Variants in RBPMS observed in about 807,000 individuals in gnomAD.
The protein encoded by RBPMS is RNA-binding protein with multiple splicing.
A neutral mutation model predicts 26.8 loss-of-function variants in RBPMS; 7 were observed. The observed-to-expected ratio is 0.26, with a 90% confidence interval of 0.15 to 0.49. RBPMS has a LOEUF of 0.49. Among genes scored for constraint, RBPMS ranks in the 20% least tolerant of loss-of-function variants. The pLI, the probability that RBPMS is intolerant of heterozygous loss-of-function variation, is 0.98. For missense variants in RBPMS, 186 were observed against 250.0 expected (o/e 0.74, Z 1.73); for synonymous variants, 96 against 93.3 (o/e 1.03, Z -0.17).
At chr8:30,481,285 G>T (rs1203455986) in intron 4 of RBPMS, among the ~76,000 whole-genome samples, 1 of 151,882 alleles carries the variant, frequency 6.6e-6, no homozygotes, top group Non-Finnish European at 1.5e-5. Flanking sequence ...TTGCTTGTTT[G>T]TTTTTGTTTT....
rs1809853500 is a variant in RBPMS, at chr8:30,414,694, A to C, written c.66+29536A>C. On this transcript the variant is annotated intron_variant, in intron 1 of 8. Transcript: ENST00000397323. The stretch of plus-strand genomic sequence containing the variant: ...CATAACAGATTTTTGTAATTTTCTT[A>C]AACAGATTTTTTTTTCTGATTAATA... Among the ~76,000 whole-genome samples, 5 of 152,150 alleles carry C rather than the reference A, an allele frequency of 3.3e-5. No homozygotes were observed. In the South Asian group the frequency reaches 1.0e-3, roughly 32 times the overall value.
chr8:30,521,874 T>C (rs1270194363), intron 5 of RBPMS, among the ~76,000 whole-genome samples: 1 of 152,120 alleles, frequency 6.6e-6, no homozygotes, highest in East Asian at 1.9e-4. Context: ...TCTTACCACA[T>C]CCTCCAAAAT....
intron 6 of RBPMS, chr8:30,553,068 C>T (rs1035634121): frequency 6.6e-6 from 1 of 152,250 alleles, no homozygotes; most frequent in Non-Finnish European, 1.5e-5. Context: ...AGGACCAAGT[C>T]ATACAAATCT....
rs755322254 is a variant in RBPMS at position 30,479,377 on chromosome 8, T to G, written c.246T>G (p.Asn82Lys). The G allele has an allele frequency of 6.3e-7, 1 of 1,598,512 alleles. No homozygotes were observed. Reference sequence around the variant, plus strand: ...CAGAGGCTGCAAAGAATGCTTTGAATGTAAGTACTAATGATGTAATTGTAG... The same window carrying G: ...CAGAGGCTGCAAAGAATGCTTTGAAGGTAAGTACTAATGATGTAATTGTAG... ...SEAEAAKNAL[N>K]GIRFDPEIPQ... Residue 82 changes from asparagine to lysine, a missense_variant and splice_region_variant, in exon 4 of 9, where the codon AAT becomes AAG. Coordinates refer to ENST00000397323, the MANE Select transcript of RBPMS (RefSeq NM_001008710.3).
At chr8:30,487,161 C>T (rs1436931796) in intron 4 of RBPMS, among the ~76,000 whole-genome samples, 1 of 152,194 alleles carries the variant, frequency 6.6e-6, no homozygotes, top group Non-Finnish European at 1.5e-5. Context: ...AATGTCTTGA[C>T]TGTCTTGACT....
chr8:30,559,864 G>C (rs776556627), intron 7 of RBPMS, among the ~76,000 whole-genome samples: 1 of 152,196 alleles, frequency 6.6e-6, no homozygotes, highest in Non-Finnish European at 1.5e-5. Flanking sequence ...TTTCCTTGGA[G>C]ACTTCTATTG....
At chr8:30,473,405 C>T (rs957132277) in intron 1 of RBPMS, among the ~76,000 whole-genome samples, 7 of 152,194 alleles carry the variant, frequency 4.6e-5, no homozygotes, top group African/African-American at 1.7e-4. Context: ...GTGTACCCTA[C>T]ACTTTGCACT....
Position 30,384,738 on chromosome 8 carries a change from A to ATCCTTTGCTTCCTTCCTTCCT in RBPMS, c.-349_-329dup, listed in dbSNP as rs1249410290. 17 of 175,188 alleles carry ATCCTTTGCTTCCTTCCTTCCT rather than the reference A, an allele frequency of 9.7e-5. No homozygotes were observed. The highest frequency in any genetic ancestry group is 2.8e-4 in the Admixed American group (4 of 14,450). The allele number at this position is 175,188 out of a possible 1,614,324, so 10.9% of individuals were successfully genotyped here. The stretch of plus-strand genomic sequence containing the variant: ...CTCCTGGGACGCGCGTCCTCGCCCC[A>ATCCTTTGCTTCCTTCCTTCCT]TCCTTTGCTTCCTTCCTTCCTTCCT... On this transcript the variant is annotated 5_prime_UTR_variant, in exon 1 of 9. Coordinates refer to ENST00000397323, the MANE Select transcript of RBPMS (RefSeq NM_001008710.3). This position sits in a 1 kb window ranked among gnomAD's most constrained non-coding sequence, Gnocchi z 5.6.
rs188803633 is a variant in RBPMS at position 30,483,425 on chromosome 8, T to G, written c.246+4048T>G. On this transcript the variant is annotated intron_variant, in intron 4 of 8. Coordinates refer to ENST00000397323, the MANE Select transcript of RBPMS (RefSeq NM_001008710.3). ...AATTGCTTAGGCTAGTGTAGTAATT[T>G]GCTTTACTCTCAAACTATACTCATT... Among the ~76,000 whole-genome samples, 999 of 152,260 alleles carry G rather than the reference T, an allele frequency of 6.6e-3. 8 individuals carry two copies. The highest frequency in any genetic ancestry group is 0.022 in the African/African-American group (924 of 41,558).
chr8:30,563,446 CAA>C (rs1391047399), intron 7 of RBPMS, among the ~76,000 whole-genome samples: 1 of 152,272 alleles, frequency 6.6e-6, no homozygotes, highest in East Asian at 1.9e-4. Context: ...GATGGATATT[CAA>C]AGAGTTGAAC....
chr8:30,491,498 T>G (rs1401586153), intron 4 of RBPMS, among the ~76,000 whole-genome samples: 1 of 152,138 alleles, frequency 6.6e-6, no homozygotes, highest in Admixed American at 6.5e-5. Context: ...GGGGGCTGAT[T>G]GCTAAAATAC....
intron 4 of RBPMS, among the ~76,000 whole-genome samples, chr8:30,494,444 G>A (rs1484842981): frequency 6.7e-6 from 1 of 148,762 alleles, no homozygotes; most frequent in Non-Finnish European, 1.5e-5. Context: ...CCATTTACAA[G>A]ATCTCATTTA....
chr8:30,389,707 C>G (rs1435592744), intron 1 of RBPMS, among the ~76,000 whole-genome samples: 1 of 152,112 alleles, frequency 6.6e-6, no homozygotes, highest in Non-Finnish European at 1.5e-5. Flanking sequence ...AAACTGCTAA[C>G]TAAATCATTG....
intron 1 of RBPMS, among the ~76,000 whole-genome samples, chr8:30,411,536 G>A (rs35773036): frequency 0.02 from 2,969 of 152,042 alleles, 37 homozygotes; most frequent in Middle Eastern, 0.054. Context: ...ATCGTGGCAT[G>A]TGCCTATAGT....
intron 4 of RBPMS, among the ~76,000 whole-genome samples, chr8:30,499,192 A>AG (rs1820298900): frequency 6.6e-6 from 1 of 152,066 alleles, no homozygotes; most frequent in Admixed American, 6.5e-5. Flanking sequence ...GCTTAAACAC[A>AG]GGAGGTGGAG....
chr8:30,513,972 A>G (rs1008198141), intron 5 of RBPMS, among the ~76,000 whole-genome samples: 1 of 152,196 alleles, frequency 6.6e-6, no homozygotes, highest in African/African-American at 2.4e-5. Context: ...AAGGGAGTAC[A>G]TGAGGCCTAT....
intron 5 of RBPMS, among the ~76,000 whole-genome samples, chr8:30,539,222 C>T (rs1825126453): frequency 1.3e-5 from 2 of 152,128 alleles, no homozygotes; most frequent in South Asian, 4.1e-4. Flanking sequence ...TCTTCATCTA[C>T]GAGGCAAGCT....
chr8:30,531,237 C>A (rs1824195169), intron 5 of RBPMS, among the ~76,000 whole-genome samples: 1 of 152,100 alleles, frequency 6.6e-6, no homozygotes, highest in Non-Finnish European at 1.5e-5. Context: ...GGCTTGGACA[C>A]CTTCATTCTA....
chr8:30,572,240 G>A lies in RBPMS; in HGVS notation c.*1715G>A, dbSNP rs1004907542. On this transcript the variant is annotated 3_prime_UTR_variant, in exon 9 of 9. Transcript: ENST00000397323. Reference sequence around the variant, plus strand: ...TATTGTCATTTTTAAAAAATAAAGTGCTTATTCCAGCTGTCACACCATTGC... The same window carrying A: ...TATTGTCATTTTTAAAAAATAAAGTACTTATTCCAGCTGTCACACCATTGC... 2 of 152,202 alleles carry A rather than the reference G, an allele frequency of 1.3e-5. No homozygotes were observed. Among genetic ancestry groups the A allele is most frequent in the African/African-American group, 4.8e-5 (2 of 41,440 alleles). 9.4% of individuals were successfully genotyped at this position (152,202 alleles called of 1,614,324 possible).
Sources: gnomAD v4.1 joint callset for allele counts (sites outside exome capture counted in the v4.1 genomes callset) on GRCh38, gnomAD v4.1.1 for gene constraint, Gnocchi (gnomAD v3.1) non-coding constraint, MANE v1.5 for transcripts, NCBI Gene and HGNC (gene_info 2026-07-23, HGNC 2026-07-21) for gene names.